Variants in KLF12 observed in about 807,000 individuals in gnomAD.
The protein encoded by KLF12 is KLF transcription factor 12.
Under a neutral mutation model 37.8 loss-of-function variants are expected in KLF12, and 9 were observed. The ratio of observed to expected loss-of-function variants is 0.24; its 90% CI spans 0.14 to 0.42. The LOEUF (loss-of-function observed/expected upper bound fraction) is 0.42, where lower values mean the gene tolerates loss of function less well. KLF12 is among the 10% of genes least tolerant of loss of function. The pLI is 1.00. For missense variants in KLF12, 411 were observed against 516.0 expected (o/e 0.80, Z 1.97); for synonymous variants, 208 against 202.1 (o/e 1.03, Z -0.25).
Position 73,695,238 on chromosome 13 carries a change from G to A in KLF12, c.*252C>T, listed in dbSNP as rs983388658. ...TTTAAATGGCAGAGGACACAGCACGGAAAACAATGCCTGTCTCTTCAGCAT... is the reference window on the plus strand; with the variant it reads ...TTTAAATGGCAGAGGACACAGCACGAAAAACAATGCCTGTCTCTTCAGCAT... On this transcript the variant is annotated 3_prime_UTR_variant, in exon 8 of 8. Coordinates refer to ENST00000377669, the MANE Select transcript of KLF12 (RefSeq NM_007249.5). 142 of 465,560 alleles carry A rather than the reference G, an allele frequency of 3.1e-4. 2 individuals are homozygous for A. The East Asian group carries it at 4.8e-3, about 16-fold the overall frequency. 28.8% of individuals were successfully genotyped at this position (465,560 alleles called of 1,614,324 possible). A position where few individuals can be genotyped will look rare whatever the true frequency, so the allele number is the denominator to read the frequency against.
the KLF12 span, among the ~76,000 whole-genome samples, chr13:74,183,512 C>G: frequency 6.6e-6 from 1 of 152,108 alleles, no homozygotes; most frequent in Admixed American, 6.6e-5. Flanking sequence ...GCCAAAATCA[C>G]AAGGAATTTT....
intron 4 of KLF12, among the ~76,000 whole-genome samples, chr13:73,826,038 T>G (rs959134240): frequency 3.3e-5 from 5 of 152,078 alleles, no homozygotes; most frequent in Admixed American, 6.5e-5. Context: ...ATTGGGACGA[T>G]CTCGGCTCAC....
chr13:74,003,389 G>A (rs1394332247), intron 1 of KLF12, among the ~76,000 whole-genome samples: 1 of 152,174 alleles, frequency 6.6e-6, no homozygotes, highest in Admixed American at 6.5e-5. Flanking sequence ...AGTACCCCAT[G>A]AGTTAACATA....
chr13:73,981,201 G>A (rs1025550237), intron 2 of KLF12, among the ~76,000 whole-genome samples: 1 of 151,950 alleles, frequency 6.6e-6, no homozygotes, highest in African/African-American at 2.4e-5. Context: ...AACTACATGG[G>A]AAAACAATTG....
At chr13:73,931,110 G>A (rs556769174) in intron 3 of KLF12, among the ~76,000 whole-genome samples, 4 of 151,940 alleles carry the variant, frequency 2.6e-5, no homozygotes, top group Admixed American at 1.3e-4. Context: ...CACCCGCCTC[G>A]GCCTCCCAAA....
chr13:73,686,761 T>G lies in KLF12; in HGVS notation c.*8729A>C, dbSNP rs1873519285. On this transcript the variant is annotated 3_prime_UTR_variant, in exon 8 of 8. Transcript: ENST00000377669. ...TCAGATGCAGCCCATCTATTCAATT[T>G]GCTGTTCAGAGGCTTCAAGCCTAGA... 1 of 152,226 alleles carries G rather than the reference T, an allele frequency of 6.6e-6. No homozygotes were observed. The highest frequency in any genetic ancestry group is 2.4e-5 in the African/African-American group (1 of 41,468). 9.4% of individuals were successfully genotyped at this position (152,226 alleles called of 1,614,324 possible). A position where few individuals can be genotyped will look rare whatever the true frequency, so the allele number is the denominator to read the frequency against.
intron 1 of KLF12, among the ~76,000 whole-genome samples, chr13:74,065,861 A>G (rs552540764): frequency 2.2e-4 from 34 of 152,182 alleles, no homozygotes; most frequent in Middle Eastern, 6.8e-3. Context: ...AACTGGAGTT[A>G]GAATCTCAAT....
At chr13:74,049,314 A>G (rs1474597113) in intron 1 of KLF12, among the ~76,000 whole-genome samples, 4 of 152,210 alleles carry the variant, frequency 2.6e-5, no homozygotes, top group African/African-American at 9.6e-5. Context: ...AATGGTAGGC[A>G]GAAGCTTGAA....
chr13:73,823,623 T>C (rs559433088), intron 4 of KLF12, among the ~76,000 whole-genome samples: 4 of 152,330 alleles, frequency 2.6e-5, no homozygotes, highest in African/African-American at 9.6e-5. Flanking sequence ...CTATCAAAAA[T>C]CCTCAAAATT....
At chr13:74,060,043 C>T (rs529366578) in intron 1 of KLF12, among the ~76,000 whole-genome samples, 2 of 152,250 alleles carry the variant, frequency 1.3e-5, no homozygotes, top group African/African-American at 4.8e-5. Flanking sequence ...TTATTTTTGT[C>T]CACTTTGTCA....
At position 73,831,806 on chromosome 13, in the gene KLF12, T is replaced by C. The variant is rs574685794; in HGVS notation, c.670+14021A>G. Among the ~76,000 whole-genome samples the C allele has an allele frequency of 3.4e-4, 52 of 152,292 alleles. 1 individual carries two copies. Among genetic ancestry groups the C allele is most frequent in the Non-Finnish European group, 1.3e-4 (9 of 68,010 alleles). ...CTATAAACTGGTAAAGCAAAATCAG[T>C]AGATCTATTTTCTTTCAGTAACAAA... On this transcript the variant is annotated intron_variant, in intron 4 of 7. Transcript: ENST00000377669.
At chr13:74,046,240 G>A (rs751571500) in intron 1 of KLF12, among the ~76,000 whole-genome samples, 3 of 152,002 alleles carry the variant, frequency 2.0e-5, no homozygotes, top group Admixed American at 6.6e-5. Flanking sequence ...TTAGCAACAC[G>A]GGAAACTGGG....
the KLF12 span, among the ~76,000 whole-genome samples, chr13:74,158,267 C>T: frequency 1.3e-5 from 2 of 152,164 alleles, no homozygotes; most frequent in African/African-American, 4.8e-5. Context: ...GGATGTTTGG[C>T]TGGATTCCTG....
At chr13:74,138,862 A>G (rs1444864400), upstream of KLF12, among the ~76,000 whole-genome samples, 3 of 152,088 alleles carry the variant, frequency 2.0e-5, no homozygotes, top group African/African-American at 7.2e-5. Context: ...CCACTTCCAT[A>G]TTCATACCTC....
intron 1 of KLF12, among the ~76,000 whole-genome samples, chr13:74,078,397 C>A (rs1247886782): frequency 6.6e-6 from 1 of 152,180 alleles, no homozygotes; most frequent in Non-Finnish European, 1.5e-5. Context: ...ATGTTTTCAT[C>A]TAGAAACAGA....
chr13:73,819,681 T>C (rs73533810), intron 4 of KLF12, among the ~76,000 whole-genome samples: 1 of 151,904 alleles, frequency 6.6e-6, no homozygotes, highest in Non-Finnish European at 1.5e-5. Context: ...CGTCAGATAG[T>C]AAGTGCCATA....
rs554992526 is a variant in KLF12 at position 74,083,288 on chromosome 13, G to A, written c.-32+50451C>T. On this transcript the variant is annotated intron_variant, in intron 1 of 7. Coordinates refer to ENST00000377669, the MANE Select transcript of KLF12 (RefSeq NM_007249.5). Reference sequence around the variant, plus strand: ...AACACTTTAGGACACCAAGGCAGGCGGATCACTTGAGCCCAGAGACCAGAC... The same window carrying A: ...AACACTTTAGGACACCAAGGCAGGCAGATCACTTGAGCCCAGAGACCAGAC... Among the ~76,000 whole-genome samples, 8 of 152,244 alleles carry A rather than the reference G, an allele frequency of 5.3e-5. No homozygotes were observed. In the South Asian group the frequency reaches 8.3e-4, roughly 16 times the overall value.
intron 5 of KLF12, chr13:73,800,786 A>G (rs1882243130): frequency 6.6e-6 from 1 of 152,118 alleles, no homozygotes; most frequent in Non-Finnish European, 1.5e-5. Flanking sequence ...AAATAATATT[A>G]ATGATATATC....
intron 3 of KLF12, among the ~76,000 whole-genome samples, chr13:73,856,159 G>A (rs1320841900): frequency 6.6e-6 from 1 of 152,182 alleles, no homozygotes. Flanking sequence ...CCAGGCTGGG[G>A]ACTTAGAGAT....
Sources: gnomAD v4.1 joint callset for allele counts (sites outside exome capture counted in the v4.1 genomes callset) on GRCh38, gnomAD v4.1.1 for gene constraint, MANE v1.5 for transcripts, NCBI Gene and HGNC (gene_info 2026-07-23, HGNC 2026-07-21) for gene names.